The following FRMD6 variants were observed in gnomAD, a reference collection of about 807,000 sequenced individuals.
The protein encoded by FRMD6 is FERM domain containing 6.
A neutral mutation model predicts 73.2 loss-of-function variants in FRMD6; 37 were observed. That is an observed-to-expected ratio of 0.51 (90% CI 0.39 to 0.66). The LOEUF (loss-of-function observed/expected upper bound fraction) is 0.66, where lower values mean the gene tolerates loss of function less well. Among genes scored for constraint, FRMD6 ranks in the 30% least tolerant of loss-of-function variants. The probability of loss-of-function intolerance (pLI) is 0.00; values close to 1 mark genes in which losing one functional copy is unlikely to be tolerated. For synonymous variants in FRMD6, 273 were observed against 282.2 expected (o/e 0.97, Z 0.33); for missense variants, 714 against 780.5 (o/e 0.91, Z 1.02).
the FRMD6 span, among the ~76,000 whole-genome samples, chr14:51,462,934 C>G: frequency 6.6e-6 from 1 of 152,178 alleles, no homozygotes; most frequent in Non-Finnish European, 1.5e-5. Flanking sequence ...GTAACTGAAT[C>G]ACTTGGTGGC....
intron 2 of FRMD6, among the ~76,000 whole-genome samples, chr14:51,573,826 G>A (rs755197105): frequency 1.8e-4 from 27 of 152,300 alleles, no homozygotes; most frequent in Non-Finnish European, 2.8e-4. Context: ...AAGAATCACC[G>A]TGTATCAGTC....
At chr14:51,503,918 T>G (rs985557001) in intron 1 of FRMD6, among the ~76,000 whole-genome samples, 17 of 152,052 alleles carry the variant, frequency 1.1e-4, no homozygotes, top group Non-Finnish European at 1.8e-4. Flanking sequence ...AAATCATTAT[T>G]GGTCTATTCA....
At position 51,722,051 on chromosome 14, in the gene FRMD6, T is replaced by C. The variant is rs1411030830; in HGVS notation, c.1463T>C (p.Leu488Pro). 2 of 1,614,126 alleles carry C rather than the reference T, an allele frequency of 1.2e-6. No homozygotes were observed. Among genetic ancestry groups the C allele is most frequent in the Admixed American group, 1.7e-5 (1 of 60,030 alleles). ...DMCIYITEDM[L>P]MSRKLNGHSG... ...TGCATCTACATCACAGAGGACATGC[T>C]CATGTCGCGGAAGCTGAATGGACAC... The change falls in exon 12 of 14, where the codon CTC becomes CCC. Residue 488 changes from leucine to proline, a missense_variant. Coordinates refer to ENST00000344768, the MANE Select transcript of FRMD6 (RefSeq NM_001267046.2).
intron 2 of FRMD6, among the ~76,000 whole-genome samples, chr14:51,585,937 G>A (rs868191556): frequency 2.7e-4 from 3 of 11,170 alleles, no homozygotes; most frequent in Non-Finnish European, 4.8e-4. Context: ...GTGTGTGTGT[G>A]TGTATATATA....
the FRMD6 span, among the ~76,000 whole-genome samples, chr14:51,483,862 C>T: frequency 6.6e-6 from 1 of 152,276 alleles, no homozygotes; most frequent in African/African-American, 2.4e-5. Flanking sequence ...TTTCATGTAA[C>T]TCTTAGAACA....
At chr14:51,473,286 T>C in the FRMD6 span, among the ~76,000 whole-genome samples, 1 of 152,232 alleles carries the variant, frequency 6.6e-6, no homozygotes, top group Non-Finnish European at 1.5e-5. Context: ...TCATGGCCTA[T>C]CTTATTTTAA....
intron 1 of FRMD6, among the ~76,000 whole-genome samples, chr14:51,660,625 A>C (rs1893151538): frequency 6.6e-6 from 1 of 151,810 alleles, no homozygotes; most frequent in Non-Finnish European, 1.5e-5. Context: ...AAAAAAAAAA[A>C]AAAAAATTCT....
intron 1 of FRMD6, among the ~76,000 whole-genome samples, chr14:51,554,445 A>T (rs1338928636): frequency 1.3e-5 from 2 of 152,198 alleles, no homozygotes; most frequent in Non-Finnish European, 2.9e-5. Context: ...CAAAAGAGTA[A>T]CTTTACAGTG....
intron 1 of FRMD6, among the ~76,000 whole-genome samples, chr14:51,656,960 G>A (rs1410183385): frequency 6.6e-6 from 1 of 152,036 alleles, no homozygotes; most frequent in Non-Finnish European, 1.5e-5. Context: ...ATACAACTTT[G>A]AGCAATAATG....
At chr14:51,508,364 A>G (rs1884097565) in intron 1 of FRMD6, among the ~76,000 whole-genome samples, 1 of 152,180 alleles carries the variant, frequency 6.6e-6, no homozygotes, top group South Asian at 2.1e-4. Context: ...CCAGCTTCTG[A>G]AGAAAATCTG....
chr14:51,594,006 A>G (rs1258927856), intron 2 of FRMD6, among the ~76,000 whole-genome samples: 2 of 152,144 alleles, frequency 1.3e-5, no homozygotes, highest in African/African-American at 2.4e-5. Flanking sequence ...CAGAGGGACA[A>G]CAGAACAGGG....
chr14:51,630,933 A>G (rs1221030574), intron 2 of FRMD6, among the ~76,000 whole-genome samples: 3 of 152,176 alleles, frequency 2.0e-5, no homozygotes, highest in Non-Finnish European at 2.9e-5. Context: ...CCATATGTAT[A>G]TGCATACTTC....
the FRMD6 span, among the ~76,000 whole-genome samples, chr14:51,414,890 G>A: frequency 2.6e-5 from 4 of 152,086 alleles, no homozygotes; most frequent in Non-Finnish European, 5.9e-5. Context: ...TGGATTCCTA[G>A]GTATTTTATT....
At chr14:51,602,846 A>G (rs984088166) in intron 2 of FRMD6, among the ~76,000 whole-genome samples, 7 of 152,368 alleles carry the variant, frequency 4.6e-5, no homozygotes, top group African/African-American at 1.4e-4. Flanking sequence ...TCCCAATATT[A>G]TTAACATTCA....
chr14:51,572,446 A>T (rs980325047), intron 2 of FRMD6, among the ~76,000 whole-genome samples: 3 of 152,254 alleles, frequency 2.0e-5, no homozygotes, highest in African/African-American at 7.2e-5. Flanking sequence ...GCATAAGTTG[A>T]AATATTTCAT....
the FRMD6 span, among the ~76,000 whole-genome samples, chr14:51,399,905 C>A: frequency 6.7e-6 from 1 of 150,288 alleles, no homozygotes; most frequent in East Asian, 1.9e-4. Flanking sequence ...TTTATTTTTT[C>A]TTTTATGCTT....
chr14:51,467,641 T>C, the FRMD6 span, among the ~76,000 whole-genome samples: 2 of 150,494 alleles, frequency 1.3e-5, no homozygotes, highest in African/African-American at 4.9e-5. Flanking sequence ...GCTCCTCACC[T>C]CCCAGATGGG....
intron 1 of FRMD6, among the ~76,000 whole-genome samples, chr14:51,538,567 C>T (rs1399241146): frequency 3.3e-5 from 5 of 151,990 alleles, no homozygotes; most frequent in Non-Finnish European, 5.9e-5. Context: ...TTGAATTAAT[C>T]TTTGTATTTG....
the FRMD6 span, among the ~76,000 whole-genome samples, chr14:51,431,032 A>T: frequency 1.3e-5 from 2 of 152,214 alleles, no homozygotes; most frequent in Non-Finnish European, 2.9e-5. Flanking sequence ...GGATATGTAT[A>T]TGCTGATTTT....
Sources: gnomAD v4.1 joint callset for allele counts (sites outside exome capture counted in the v4.1 genomes callset) on GRCh38, gnomAD v4.1.1 for gene constraint, MANE v1.5 for transcripts, NCBI Gene and HGNC (gene_info 2026-07-23, HGNC 2026-07-21) for gene names.